The following CD101 variants were observed in gnomAD, a reference collection of about 807,000 sequenced individuals.
The protein encoded by CD101 is CD101 molecule, also known as immunoglobulin superfamily member 2.
In CD101, 76 loss-of-function variants were observed where a neutral mutation model predicts 98.2. The ratio of observed to expected loss-of-function variants is 0.77; its 90% CI spans 0.64 to 0.94. The LOEUF (loss-of-function observed/expected upper bound fraction) is 0.94, where lower values mean the gene tolerates loss of function less well. Ranked by LOEUF, CD101 falls within the 40% of genes least tolerant of loss-of-function variation. The pLI is 0.00. For missense variants in CD101, 1,145 were observed against 1,218.8 expected (o/e 0.94, Z 0.90); for synonymous variants, 471 against 472.7 (o/e 1.00, Z 0.05).
At position 117,013,404 on chromosome 1, in the gene CD101, A is replaced by G; in HGVS notation, c.842-2A>G. 1 of 1,600,644 alleles carries G rather than the reference A, an allele frequency of 6.2e-7. No individual in the cohort carries two copies. Among genetic ancestry groups the G allele is most frequent in the Non-Finnish European group, 8.5e-7 (1 of 1,171,496 alleles). ...AATACCTGCCTTGCTTTTGTTTCCC[A>G]GTGAAAGATTTTCAAGTCAACATTA... On this transcript the variant is annotated splice_acceptor_variant, in intron 3 of 9. Transcript: ENST00000682167. LOFTEE classifies it high-confidence loss of function.
At position 117,019,520 on chromosome 1, in the gene CD101, C is replaced by T. The variant is rs1396195776; in HGVS notation, c.2017+960C>T. On this transcript the variant is annotated intron_variant, in intron 6 of 9. Coordinates refer to ENST00000682167, the MANE Select transcript of CD101 (RefSeq NM_001256106.3). This position sits in a 1 kb window ranked among gnomAD's most constrained non-coding sequence, Gnocchi z 4.3. ...ACTTCTTTTTTCCTTGGCACCATGA[C>T]ACAAGATTTTCATTTTCTCCTCCAC... Among the ~76,000 whole-genome samples, 1 of 152,154 alleles carries T rather than the reference C, an allele frequency of 6.6e-6. No homozygotes were observed. The highest frequency in any genetic ancestry group is 1.5e-5 in the Non-Finnish European group (1 of 68,024).
At chr1:117,030,587 T>TA (rs1203781872) in intron 8 of CD101, among the ~76,000 whole-genome samples, 2 of 152,252 alleles carry the variant, frequency 1.3e-5, no homozygotes, top group Non-Finnish European at 2.9e-5. Flanking sequence ...CCAAGCTACT[T>TA]ACCTGTGCTT....
At chr1:117,011,528 A>G (rs773698665) in intron 2 of CD101, 22 bp from the exon 3 acceptor site, 1 of 1,600,686 alleles carries the variant, frequency 6.2e-7, no homozygotes, top group Non-Finnish European at 8.5e-7. Flanking sequence ...CAGTCACATT[A>G]TTATCATTCC....
At chr1:117,027,174 C>T (rs983871733) in intron 8 of CD101, among the ~76,000 whole-genome samples, 4 of 152,208 alleles carry the variant, frequency 2.6e-5, no homozygotes, top group Middle Eastern at 3.2e-3. Context: ...CTCCTTTTCC[C>T]CTTATGCCTC....
chr1:117,004,427 T>C lies in CD101; in HGVS notation c.43+2567T>C, dbSNP rs886571339. On this transcript the variant is annotated intron_variant, in intron 1 of 9. Coordinates refer to ENST00000682167, the MANE Select transcript of CD101 (RefSeq NM_001256106.3). This position sits in a 1 kb window ranked among gnomAD's most constrained non-coding sequence, Gnocchi z 4.1. ...CTAATCGTTTTCATTCAAATAATAC[T>C]GCAGTGGTAAATTTGACAATTCCAG... Among the ~76,000 whole-genome samples the C allele has an allele frequency of 6.6e-6, 1 of 152,196 alleles. No individual in the cohort carries two copies. The highest frequency in any genetic ancestry group is 1.5e-5 in the Non-Finnish European group (1 of 68,026).
chr1:117,031,502 G>A (rs1205956377), intron 8 of CD101, among the ~76,000 whole-genome samples: 2 of 152,178 alleles, frequency 1.3e-5, no homozygotes, highest in African/African-American at 4.8e-5. Context: ...TGAGGACAGG[G>A]GGACTAGAGA....
At chr1:117,002,186 C>T (rs1432868482) in intron 1 of CD101, among the ~76,000 whole-genome samples, 1 of 152,168 alleles carries the variant, frequency 6.6e-6, no homozygotes, top group African/African-American at 2.4e-5. Context: ...AGTAAAAAAG[C>T]TTTGTGTCCC....
In CD101 at chr1:117,001,821, G is replaced by T; in HGVS notation, c.4G>T (p.Ala2Ser). The change falls in exon 1 of 10, where the codon GCA (alanine) becomes TCA (serine). Residue 2 changes from alanine (A) to serine (S), a missense_variant. By Grantham distance (99) the Ala-to-Ser change is moderately conservative. Transcript: ENST00000682167. The stretch of plus-strand genomic sequence containing the variant: ...AAAAAGGACTGTGCTGGCCCAAATG[G>T]CAGGCATCTCATATGTGGCATCTTT... M[A>S]GISYVASFFL... 2 of 1,614,026 alleles carry T rather than the reference G, an allele frequency of 1.2e-6. No homozygotes were observed. The highest frequency in any genetic ancestry group is 1.1e-5 in the South Asian group (1 of 91,082).
intron 8 of CD101, among the ~76,000 whole-genome samples, chr1:117,029,200 A>AAGG (rs1448135686): frequency 5.7e-5 from 2 of 35,222 alleles, no homozygotes; most frequent in Non-Finnish European, 1.0e-4. Flanking sequence ...AGAAAGAAAG[A>AAGG]AAGAAAAGAA....
intron 8 of CD101, among the ~76,000 whole-genome samples, chr1:117,029,171 GAAAGAAAGAAAGAAAGAAAGAAA>G (rs1654176250): frequency 1.0e-4 from 10 of 97,892 alleles, no homozygotes; most frequent in Middle Eastern, 4.2e-3. Context: ...AAGAAAGAAA[GAAAGAAAGAAAGAAAGAAAGAAA>G]GAAAGAAAGA....
chr1:117,031,564 T>C (rs959461671), intron 8 of CD101, among the ~76,000 whole-genome samples: 3 of 152,212 alleles, frequency 2.0e-5, no homozygotes, highest in African/African-American at 7.2e-5. Flanking sequence ...GGGGTCCCTG[T>C]GGGAGAGATA....
intron 9 of CD101, among the ~76,000 whole-genome samples, chr1:117,034,666 G>T (rs1312309822): frequency 6.6e-6 from 1 of 152,214 alleles, no homozygotes; most frequent in Admixed American, 6.5e-5. Flanking sequence ...CCACTCAAGA[G>T]CAAGTTCTGT....
intron 9 of CD101, 43 bp downstream of exon 9, chr1:117,034,177 C>T (rs1311050661): frequency 6.4e-7 from 1 of 1,550,900 alleles, no homozygotes; most frequent in Non-Finnish European, 8.7e-7. Context: ...TGAATGAATC[C>T]TGGTTCTGTC....
chr1:117,033,216 G>T lies in CD101; in HGVS notation c.2825-644G>T. 1 of 153,174 alleles carries T rather than the reference G, an allele frequency of 6.5e-6. No homozygotes were observed. The highest frequency in any genetic ancestry group is 1.5e-5 in the Non-Finnish European group (1 of 68,850). 9.5% of individuals were successfully genotyped at this position (153,174 alleles called of 1,614,324 possible). ...AAGTGTGATGGAGCTAGGCCAGAAGGACCTAGAGGCTCAGATGCATGGAGC... is the reference window on the plus strand; with the variant it reads ...AAGTGTGATGGAGCTAGGCCAGAAGTACCTAGAGGCTCAGATGCATGGAGC... On this transcript the variant is annotated intron_variant, in intron 8 of 9. Transcript: ENST00000682167. This position sits in a 1 kb window ranked among gnomAD's most constrained non-coding sequence, Gnocchi z 4.8.
chr1:117,034,963 T>C (rs1654717333), intron 9 of CD101, among the ~76,000 whole-genome samples: 1 of 152,292 alleles, frequency 6.6e-6, no homozygotes, highest in Non-Finnish European at 1.5e-5. Flanking sequence ...GGGAAGGTAT[T>C]GTCTGGAGGA....
intron 7 of CD101, among the ~76,000 whole-genome samples, chr1:117,025,117 C>T (rs1207924670): frequency 6.6e-6 from 1 of 152,166 alleles, no homozygotes; most frequent in Admixed American, 6.5e-5. Flanking sequence ...AATCCCAACA[C>T]TTTGGGAGGC....
rs1459588611 is a variant in CD101 at position 117,004,344 on chromosome 1, A to G, written c.43+2484A>G. ...TTTGTATAAGGTAGCATTATTTGAA[A>G]CTGCTGTTTTTTTGGTATAAAAAGT... On this transcript the variant is annotated intron_variant, in intron 1 of 9. Coordinates refer to ENST00000682167, the MANE Select transcript of CD101 (RefSeq NM_001256106.3). The surrounding 1 kb of genome is among the most constrained non-coding windows in gnomAD (Gnocchi z 4.1). 6.6e-6 allele frequency among the ~76,000 whole-genome samples: 1 copy of G among 152,140 alleles called. No individual in the cohort carries two copies. Among genetic ancestry groups the G allele is most frequent in the Non-Finnish European group, 1.5e-5 (1 of 68,026 alleles).
rs1012101644 is a variant in CD101 at position 117,006,902 on chromosome 1, G to T, written c.44-2948G>T. On this transcript the variant is annotated intron_variant, in intron 1 of 9. Coordinates refer to ENST00000682167, the MANE Select transcript of CD101 (RefSeq NM_001256106.3). The surrounding 1 kb of genome is among the most constrained non-coding windows in gnomAD (Gnocchi z 4.4). ...ATAAGTGGTTGAATAAATATTTATT[G>T]AATTGGCAAATAAAGCAGTAGAAAA... Among the ~76,000 whole-genome samples, 4 of 152,062 alleles carry T rather than the reference G, an allele frequency of 2.6e-5. No individual in the cohort carries two copies. Among genetic ancestry groups the T allele is most frequent in the South Asian group, 2.1e-4 (1 of 4,828 alleles).
rs529882502 is a variant in CD101 at position 117,018,082 on chromosome 1, A to G, written c.1613-74A>G. 2.3e-6 allele frequency: 3 copies of G among 1,322,712 alleles called. No homozygotes were observed. Among genetic ancestry groups the G allele is most frequent in the East Asian group, 2.5e-5 (1 of 39,794 alleles). 81.9% of individuals were successfully genotyped at this position (1,322,712 alleles called of 1,614,324 possible). ...CATGGTCCTAGTCAAAGAGGTGGCA[A>G]CTAGAAAAACTTGAAAGTGCTATAT... On this transcript the variant is annotated intron_variant, in intron 5 of 9. Coordinates refer to ENST00000682167, the MANE Select transcript of CD101 (RefSeq NM_001256106.3). The surrounding 1 kb of genome is among the most constrained non-coding windows in gnomAD (Gnocchi z 4.3).
Sources: gnomAD v4.1 joint callset for allele counts (sites outside exome capture counted in the v4.1 genomes callset) on GRCh38, gnomAD v4.1.1 for gene constraint, Gnocchi (gnomAD v3.1) non-coding constraint, MANE v1.5 for transcripts, NCBI Gene and HGNC (gene_info 2026-07-23, HGNC 2026-07-21) for gene names.